Variants in RBMS1 observed in about 807,000 individuals in gnomAD.
RBMS1 encodes RNA binding motif single stranded interacting protein 1.
Under a neutral mutation model 62.3 loss-of-function variants are expected in RBMS1, and 17 were observed. That is an observed-to-expected ratio of 0.27 (90% CI 0.19 to 0.41). The LOEUF (loss-of-function observed/expected upper bound fraction) is 0.41, where lower values mean the gene tolerates loss of function less well. RBMS1 is among the 10% of genes least tolerant of loss of function. The pLI, the probability that RBMS1 is intolerant of heterozygous loss-of-function variation, is 1.00. For missense variants in RBMS1, 334 were observed against 504.5 expected (o/e 0.66, Z 3.24); for synonymous variants, 172 against 170.0 (o/e 1.01, Z -0.09).
intron 6 of RBMS1, among the ~76,000 whole-genome samples, chr2:160,298,854 G>A (rs1241333236): frequency 6.6e-6 from 1 of 152,188 alleles, no homozygotes; most frequent in African/African-American, 2.4e-5. Context: ...TCCTAAGAAA[G>A]GGAAATCTGG....
intron 1 of RBMS1, among the ~76,000 whole-genome samples, chr2:160,380,271 C>A (rs986248134): frequency 2.6e-4 from 40 of 152,144 alleles, no homozygotes; most frequent in African/African-American, 9.2e-4. Flanking sequence ...CAGCTCTCTG[C>A]CCACCCCCAC....
At chr2:160,293,279 C>T (rs1688771402) in intron 6 of RBMS1, among the ~76,000 whole-genome samples, 2 of 152,154 alleles carry the variant, frequency 1.3e-5, no homozygotes, top group African/African-American at 4.8e-5. Context: ...TTTCTGCTAC[C>T]TGGCATAGGA....
intron 2 of RBMS1, among the ~76,000 whole-genome samples, chr2:160,338,423 A>G (rs1420061311): frequency 2.0e-5 from 3 of 152,130 alleles, no homozygotes; most frequent in African/African-American, 7.2e-5. Context: ...GTGACGAGAG[A>G]CTATAGAGTA....
chr2:160,282,271 C>A (rs777581025), intron 9 of RBMS1: 2 of 1,367,846 alleles, frequency 1.5e-6, no homozygotes, highest in Non-Finnish European at 2.0e-6. Context: ...ATAGCAGAGC[C>A]CCGATACTTG....
rs540880236 is a variant in RBMS1, at chr2:160,392,845, T to C, written c.76-25454A>G. Among the ~76,000 whole-genome samples, 19 of 151,926 alleles carry C rather than the reference T, an allele frequency of 1.3e-4. No homozygotes were observed. In the East Asian group the frequency reaches 3.5e-3, roughly 28 times the overall value. On this transcript the variant is annotated intron_variant, in intron 1 of 13. Coordinates refer to ENST00000348849, the MANE Select transcript of RBMS1 (RefSeq NM_016836.4). ...AGGTTGAGGCTGCAATAAGACATGATTGCACCACTGCACCACACTCCAGCC... is the reference window on the plus strand; with the variant it reads ...AGGTTGAGGCTGCAATAAGACATGACTGCACCACTGCACCACACTCCAGCC...
At chr2:160,341,135 T>C (rs952126435) in intron 2 of RBMS1, among the ~76,000 whole-genome samples, 2 of 152,190 alleles carry the variant, frequency 1.3e-5, no homozygotes, top group Admixed American at 6.5e-5. Context: ...AACTGGGATG[T>C]TGGCTCTGTA....
chr2:160,338,704 G>C (rs1212902487), intron 2 of RBMS1, among the ~76,000 whole-genome samples: 4 of 152,152 alleles, frequency 2.6e-5, no homozygotes, highest in Non-Finnish European at 5.9e-5. Context: ...CATAATTGGT[G>C]CTAAATAAAT....
rs912744788 is a variant in RBMS1, at chr2:160,390,576, G to A, written c.76-23185C>T. 2.0e-5 allele frequency among the ~76,000 whole-genome samples: 3 copies of A among 151,312 alleles called. No homozygotes were observed. In the Admixed American group the frequency reaches 2.0e-4, roughly 10 times the overall value. The stretch of plus-strand genomic sequence containing the variant: ...CCGAGTGTGGTGGCACACGCCTGTG[G>A]CCCCAGCTACACAGAAGGCTGAGGT... On this transcript the variant is annotated intron_variant, in intron 1 of 13. Coordinates refer to ENST00000348849, the MANE Select transcript of RBMS1 (RefSeq NM_016836.4).
At chr2:160,301,109 T>G (rs1030330737) in intron 5 of RBMS1, among the ~76,000 whole-genome samples, 2 of 141,940 alleles carry the variant, frequency 1.4e-5, no homozygotes, top group African/African-American at 5.1e-5. Context: ...TTCTACTTGC[T>G]AAAATACTAG....
chr2:160,290,356 T>C (rs1195634210), intron 6 of RBMS1, among the ~76,000 whole-genome samples: 1 of 151,962 alleles, frequency 6.6e-6, no homozygotes, highest in Non-Finnish European at 1.5e-5. Context: ...GCCAAATTAA[T>C]ATAAAAATTA....
chr2:160,397,658 C>G (rs933501219), intron 1 of RBMS1, among the ~76,000 whole-genome samples: 1 of 152,096 alleles, frequency 6.6e-6, no homozygotes, highest in Non-Finnish European at 1.5e-5. Context: ...ATGTGCTTCC[C>G]TCACCCCTGC....
At chr2:160,321,583 T>C (rs1267819162) in intron 2 of RBMS1, among the ~76,000 whole-genome samples, 1 of 152,206 alleles carries the variant, frequency 6.6e-6, no homozygotes, top group Non-Finnish European at 1.5e-5. Context: ...AAATATCCAG[T>C]GAAATATTTA....
chr2:160,319,642 A>G (rs776174805), intron 2 of RBMS1, among the ~76,000 whole-genome samples: 4 of 152,176 alleles, frequency 2.6e-5, no homozygotes, highest in African/African-American at 4.8e-5. Context: ...AAAATTCCAC[A>G]TTTGCTCTAC....
At chr2:160,438,987 C>T (rs1574059418) in intron 1 of RBMS1, among the ~76,000 whole-genome samples, 1 of 147,160 alleles carries the variant, frequency 6.8e-6, no homozygotes, top group African/African-American at 2.5e-5. Flanking sequence ...CCCCTCACCT[C>T]CCGGACGGGG....
chr2:160,324,947 C>T (rs934384738), intron 2 of RBMS1, among the ~76,000 whole-genome samples: 7 of 142,816 alleles, frequency 4.9e-5, no homozygotes, highest in African/African-American at 8.0e-5. Context: ...CATATATATG[C>T]GCCAATTATT....
At chr2:160,469,841 T>C (rs748064930) in intron 1 of RBMS1, among the ~76,000 whole-genome samples, 4 of 152,202 alleles carry the variant, frequency 2.6e-5, no homozygotes, top group Non-Finnish European at 4.4e-5. Flanking sequence ...AGACGAAAAG[T>C]TGACCTCGTA....
chr2:160,374,945 G>T (rs924663089), intron 1 of RBMS1, among the ~76,000 whole-genome samples: 5 of 151,602 alleles, frequency 3.3e-5, no homozygotes, highest in South Asian at 2.1e-4. Flanking sequence ...GGGGGACGGT[G>T]GGGGGGAGGA....
chr2:160,463,846 T>A (rs942199510), intron 1 of RBMS1, among the ~76,000 whole-genome samples: 3 of 152,240 alleles, frequency 2.0e-5, no homozygotes, highest in Admixed American at 1.3e-4. Flanking sequence ...TTATGTCTCC[T>A]ATTTCATTCC....
At chr2:160,394,052 T>A (rs1224376787) in intron 1 of RBMS1, among the ~76,000 whole-genome samples, 1 of 152,218 alleles carries the variant, frequency 6.6e-6, no homozygotes, top group Non-Finnish European at 1.5e-5. Flanking sequence ...TCATTCAGGA[T>A]AAAATTTCAT....
Sources: gnomAD v4.1 joint callset for allele counts (sites outside exome capture counted in the v4.1 genomes callset) on GRCh38, gnomAD v4.1.1 for gene constraint, MANE v1.5 for transcripts, NCBI Gene and HGNC (gene_info 2026-07-23, HGNC 2026-07-21) for gene names.